PEAK1: variants seen among roughly 807,000 people sequenced by gnomAD.
The protein encoded by PEAK1 is pseudopodium enriched atypical kinase 1.
PEAK1 carries 54 observed loss-of-function variants against 124.7 expected under a neutral mutation model. The observed-to-expected ratio is 0.43, with a 90% CI of 0.35 to 0.54. PEAK1 has a LOEUF of 0.54. Among genes scored for constraint, PEAK1 ranks in the 20% least tolerant of loss-of-function variants. The probability of loss-of-function intolerance (pLI) is 0.01; values close to 1 mark genes in which losing one functional copy is unlikely to be tolerated. For synonymous variants in PEAK1, 719 were observed against 760.0 expected (o/e 0.95, Z 0.89); for missense variants, 2,046 against 2,134.5 (o/e 0.96, Z 0.82).
At chr15:77,154,261 A>T (rs2054921390) in intron 8 of PEAK1, among the ~76,000 whole-genome samples, 1 of 151,964 alleles carries the variant, frequency 6.6e-6, no homozygotes. Flanking sequence ...GTCTCTTTTA[A>T]TCTTTGTTGG....
intron 6 of PEAK1, 157 bp from the exon 7 acceptor site, chr15:77,182,197 T>C (rs2057309257): frequency 2.4e-6 from 1 of 416,902 alleles, no homozygotes; most frequent in African/African-American, 2.2e-5. Flanking sequence ...AATTTCCCTT[T>C]AGCCAATCAG....
intron 6 of PEAK1, among the ~76,000 whole-genome samples, chr15:77,246,275 G>C (rs1289468139): frequency 6.6e-6 from 1 of 152,132 alleles, no homozygotes; most frequent in Non-Finnish European, 1.5e-5. Flanking sequence ...CCAAAGTGCT[G>C]GGATTACAGG....
At chr15:77,261,493 G>A (rs1039656976) in intron 5 of PEAK1, among the ~76,000 whole-genome samples, 3 of 152,088 alleles carry the variant, frequency 2.0e-5, no homozygotes, top group African/African-American at 4.8e-5. Context: ...CTCAGCAGCC[G>A]ATTCGATCAA....
At chr15:77,342,096 C>A (rs1215693979) in intron 2 of PEAK1, among the ~76,000 whole-genome samples, 1 of 148,904 alleles carries the variant, frequency 6.7e-6, no homozygotes, top group African/African-American at 2.5e-5. Context: ...GTATGCAGAA[C>A]ACAAAACAAC....
chr15:77,297,378 G>A (rs574630863), intron 2 of PEAK1, among the ~76,000 whole-genome samples: 5 of 151,820 alleles, frequency 3.3e-5, no homozygotes, highest in East Asian at 1.9e-4. Context: ...CAAAGTATAC[G>A]CTATTAACAC....
At chr15:77,140,784 G>T (rs2053719906) in intron 8 of PEAK1, among the ~76,000 whole-genome samples, 1 of 150,838 alleles carries the variant, frequency 6.6e-6, no homozygotes, top group African/African-American at 2.4e-5. Flanking sequence ...ACCCAGGCTG[G>T]AGTGCAGTGG....
intron 2 of PEAK1, among the ~76,000 whole-genome samples, chr15:77,328,193 T>A (rs2065691284): frequency 6.6e-6 from 1 of 152,132 alleles, no homozygotes; most frequent in Non-Finnish European, 1.5e-5. Flanking sequence ...CAATTTCCCC[T>A]TCAATAAAAA....
At chr15:77,373,927 C>T (rs2068820987) in intron 1 of PEAK1, among the ~76,000 whole-genome samples, 1 of 152,060 alleles carries the variant, frequency 6.6e-6, no homozygotes, top group Admixed American at 6.6e-5. Context: ...TACTAAAGTA[C>T]TAGAAAAGAA....
At chr15:77,418,762 C>G in intron 1 of PEAK1, 1 of 985,346 alleles carries the variant, frequency 1.0e-6, no homozygotes, top group African/African-American at 1.7e-5. Flanking sequence ...TTTTTCACTT[C>G]CACACTGCAG....
intron 6 of PEAK1, among the ~76,000 whole-genome samples, chr15:77,243,251 G>A (rs2060436290): frequency 6.6e-6 from 1 of 152,190 alleles, no homozygotes; most frequent in Non-Finnish European, 1.5e-5. Context: ...AACCATATGT[G>A]TCAGACTAAA....
At chr15:77,318,693 A>C (rs1167227644) in intron 2 of PEAK1, among the ~76,000 whole-genome samples, 2 of 151,914 alleles carry the variant, frequency 1.3e-5, no homozygotes, top group Non-Finnish European at 2.9e-5. Flanking sequence ...TATAATTTAT[A>C]ATTTATTAAT....
intron 2 of PEAK1, among the ~76,000 whole-genome samples, chr15:77,308,323 A>G (rs2064224559): frequency 6.6e-6 from 1 of 152,110 alleles, no homozygotes; most frequent in Non-Finnish European, 1.5e-5. Context: ...GCTAATGGAC[A>G]GGAAGCATCT....
chr15:77,380,788 T>G (rs1383526828), intron 1 of PEAK1, among the ~76,000 whole-genome samples: 2 of 152,092 alleles, frequency 1.3e-5, no homozygotes, highest in African/African-American at 4.8e-5. Flanking sequence ...CAAAAATCAG[T>G]TATTATGCAA....
intron 2 of PEAK1, among the ~76,000 whole-genome samples, chr15:77,299,394 G>C (rs1045656733): frequency 2.0e-5 from 3 of 152,086 alleles, no homozygotes; most frequent in Non-Finnish European, 4.4e-5. Flanking sequence ...CTAATAACTT[G>C]TTTATAATTC....
intron 9 of PEAK1, among the ~76,000 whole-genome samples, chr15:77,132,551 G>A (rs973916764): frequency 1.3e-5 from 2 of 151,840 alleles, no homozygotes; most frequent in South Asian, 2.1e-4. Flanking sequence ...AAAAATTAGC[G>A]GGGCGTGGTG....
rs528385321 is a variant in PEAK1, at chr15:77,388,238, C to T, written c.-665-23013G>A. ...GAAAAGTATATGCAACTGGATCACG[C>T]GTAAACTGAAGGTACAAAACTTGAG... On this transcript the variant is annotated intron_variant, in intron 1 of 9. Coordinates refer to ENST00000682557, the MANE Select transcript of PEAK1 (RefSeq NM_001385026.1). Among the ~76,000 whole-genome samples, 22 of 152,114 alleles carry T rather than the reference C, an allele frequency of 1.4e-4. No homozygotes were observed. In the South Asian group the frequency reaches 3.1e-3, roughly 22 times the overall value.
At chr15:77,263,524 C>T (rs900217540) in intron 5 of PEAK1, among the ~76,000 whole-genome samples, 12 of 152,184 alleles carry the variant, frequency 7.9e-5, no homozygotes, top group African/African-American at 2.4e-4. Context: ...ATAAATTCCT[C>T]GACACCTACA....
chr15:77,390,977 A>G (rs982821517), intron 1 of PEAK1, among the ~76,000 whole-genome samples: 6 of 152,204 alleles, frequency 3.9e-5, no homozygotes, highest in African/African-American at 1.2e-4. Context: ...GAATAAGTTC[A>G]AAGGGCTCCC....
At chr15:77,340,142 G>C (rs1283480979) in intron 2 of PEAK1, among the ~76,000 whole-genome samples, 1 of 152,190 alleles carries the variant, frequency 6.6e-6, no homozygotes, top group Non-Finnish European at 1.5e-5. Flanking sequence ...TCTGATTTGA[G>C]AACCAATGTC....
Sources: gnomAD v4.1 joint callset for allele counts (sites outside exome capture counted in the v4.1 genomes callset) on GRCh38, gnomAD v4.1.1 for gene constraint, MANE v1.5 for transcripts, NCBI Gene and HGNC (gene_info 2026-07-23, HGNC 2026-07-21) for gene names.